Variants in FOLR1 observed in about 807,000 individuals in gnomAD.
The protein encoded by FOLR1 is KB cells FBP.
In FOLR1, 11 loss-of-function variants were observed where a neutral mutation model predicts 22.8. The ratio of observed to expected loss-of-function variants is 0.48; its 90% CI spans 0.30 to 0.80. FOLR1 has a LOEUF of 0.80. FOLR1 is among the 30% of genes least tolerant of loss of function. The pLI is 0.06. For missense variants in FOLR1, 273 were observed against 320.3 expected (o/e 0.85, Z 1.13); for synonymous variants, 108 against 116.5 (o/e 0.93, Z 0.47).
chr11:72,193,502 A>G (rs1356087953), intron 1 of FOLR1, among the ~76,000 whole-genome samples: 3 of 151,612 alleles, frequency 2.0e-5, no homozygotes, highest in Non-Finnish European at 4.4e-5. Context: ...GGTGGAGTGC[A>G]GTGGCACAAT....
chr11:72,190,042 T>A (rs1490384996), upstream of FOLR1, among the ~76,000 whole-genome samples: 1 of 152,058 alleles, frequency 6.6e-6, no homozygotes, highest in African/African-American at 2.4e-5. Flanking sequence ...GGGTCATGAT[T>A]GTTGGTGGGG....
At chr11:72,193,210 G>A (rs1948179288) in intron 1 of FOLR1, among the ~76,000 whole-genome samples, 1 of 152,048 alleles carries the variant, frequency 6.6e-6, no homozygotes, top group African/African-American at 2.4e-5. Context: ...GGTGGCACAT[G>A]CCTGCAGTCC....
chr11:72,191,201 A>T (rs3763796), upstream of FOLR1, among the ~76,000 whole-genome samples: 1 of 152,014 alleles, frequency 6.6e-6, no homozygotes, highest in African/African-American at 2.4e-5. Context: ...GCCAGCACCC[A>T]TGTCCTGTGA....
At chr11:72,193,072 C>T (rs974453039) in intron 1 of FOLR1, among the ~76,000 whole-genome samples, 3 of 152,098 alleles carry the variant, frequency 2.0e-5, no homozygotes, top group African/African-American at 4.8e-5. Context: ...TTACGGCTCA[C>T]GCCTGTAATC....
Position 72,195,930 on chromosome 11 carries a change from A to T in FOLR1, c.527A>T (p.Gln176Leu). The T allele has an allele frequency of 6.2e-7, 1 of 1,614,210 alleles. No homozygotes were observed. Among genetic ancestry groups the T allele is most frequent in the Non-Finnish European group, 8.5e-7 (1 of 1,180,038 alleles). ...FNKCAVGAAC[Q>L]PFHFYFPTPT... ...AAGTGCGCAGTGGGAGCTGCCTGCC[A>T]ACCTTTCCATTTCTACTTCCCCACA... The change falls in exon 4 of 4, where the codon CAA becomes CTA. Residue 176 changes from glutamine (Q) to leucine (L), a missense_variant. Physicochemically the swap from Gln to Leu is moderately radical, Grantham distance 113. Transcript: ENST00000393676.
rs1948228131 is a variant in FOLR1 at position 72,196,018 on chromosome 11, G to T, written c.615G>T (p.Gly205=). 1 of 1,614,074 alleles carries T rather than the reference G, an allele frequency of 6.2e-7. No homozygotes were observed. The highest frequency in any genetic ancestry group is 8.5e-7 in the Non-Finnish European group (1 of 1,180,044). ...ACAAGGTCAGCAACTACAGCCGAGG[G>T]AGTGGCCGCTGCATCCAGATGTGGT... The part of the protein sequence containing the change: ...HSYKVSNYSR[G]SGRCIQMWFD... Residue 205 remains glycine (G), a synonymous_variant, in exon 4 of 4, where the codon GGG becomes GGT. Transcript: ENST00000393676.
chr11:72,195,566 T>G, intron 2 of FOLR1, 46 bp from the exon 3 acceptor site: 1 of 1,613,972 alleles, frequency 6.2e-7, no homozygotes, highest in African/African-American at 1.3e-5. Flanking sequence ...GCTGAGTTGC[T>G]GGGATTCTTG....
Position 72,195,697 on chromosome 11 carries a change from C to G in FOLR1, c.443C>G (p.Thr148Ser), listed in dbSNP as rs775626780. The change falls in exon 3 of 4, where the codon ACC (threonine) becomes AGC (serine). Residue 148 changes from threonine (T) to serine (S), a missense_variant. Physicochemically the swap from Thr to Ser is moderately conservative, Grantham distance 58 (BLOSUM62 1). Coordinates refer to ENST00000393676, the MANE Select transcript of FOLR1 (RefSeq NM_016729.3). ...GAGCAATGGTGGGAAGATTGTCGCA[C>G]CTCCTACACCTGCAAGAGCAACTGG... ...DCEQWWEDCR[T>S]SYTCKSNWHK... 9.3e-6 allele frequency: 15 copies of G among 1,614,176 alleles called. No individual in the cohort carries two copies. The highest frequency in any genetic ancestry group is 1.2e-5 in the Non-Finnish European group (14 of 1,180,032).
chr11:72,193,386 G>C (rs1948182521), intron 1 of FOLR1, among the ~76,000 whole-genome samples: 1 of 150,526 alleles, frequency 6.6e-6, no homozygotes, highest in Non-Finnish European at 1.5e-5. Flanking sequence ...GAAGGAAAGG[G>C]AGGGAGGAAA....
upstream of FOLR1, among the ~76,000 whole-genome samples, chr11:72,190,822 G>A (rs565499876): frequency 2.3e-4 from 35 of 152,338 alleles, no homozygotes; most frequent in South Asian, 7.2e-3. Flanking sequence ...TGTGCAGTCG[G>A]CCTGGAGACA....
chr11:72,192,493 C>A, intron 1 of FOLR1, 152 bp downstream of exon 1: 1 of 760,450 alleles, frequency 1.3e-6, no homozygotes, highest in Non-Finnish European at 2.2e-6. Context: ...GACACTGTGC[C>A]AAATGTCGGT....
chr11:72,190,904 G>A (rs1391406418), upstream of FOLR1, among the ~76,000 whole-genome samples: 8 of 152,236 alleles, frequency 5.3e-5, no homozygotes, highest in African/African-American at 1.9e-4. Context: ...CAGCACGGGG[G>A]CAAGGCAAGC....
chr11:72,190,534 C>T (rs9282688), upstream of FOLR1: 3,947 of 152,190 alleles, frequency 0.026, 68 homozygotes, highest in African/African-American at 0.051. Context: ...ACAGGTTGAA[C>T]GGGAACCCTG....
At chr11:72,191,341 C>T (rs1948153054), upstream of FOLR1, among the ~76,000 whole-genome samples, 1 of 152,094 alleles carries the variant, frequency 6.6e-6, no homozygotes, top group Non-Finnish European at 1.5e-5. Flanking sequence ...ACTGCAGCCC[C>T]CCCAACTAAA....
rs964480401 is a variant in FOLR1 at position 72,195,634 on chromosome 11, A to G, written c.380A>G (p.Glu127Gly). 1.2e-6 allele frequency: 2 copies of G among 1,614,214 alleles called. No individual in the cohort carries two copies. Among genetic ancestry groups the G allele is most frequent in the South Asian group, 1.1e-5 (1 of 91,090 alleles). Residue 127 changes from glutamate (E) to glycine (G), a missense_variant, in exon 3 of 4, where the codon GAG becomes GGG. Physicochemically the swap from Glu to Gly is moderately conservative, Grantham distance 98. Coordinates refer to ENST00000393676, the MANE Select transcript of FOLR1 (RefSeq NM_016729.3). ...CAGGTGGATCAGAGCTGGCGCAAAG[A>G]GCGGGTACTGAACGTGCCCCTGTGC... Reference protein sequence around the residue: ...IQQVDQSWRKERVLNVPLCKE... With the variant: ...IQQVDQSWRKGRVLNVPLCKE...
chr11:72,193,604 T>TTTTG (rs71052856), intron 1 of FOLR1, among the ~76,000 whole-genome samples: 14,668 of 147,758 alleles, frequency 0.099, 814 homozygotes, highest in South Asian at 0.19. Flanking sequence ...CCAGCTAATT[T>TTTTG]TTTGTTTGTT....
At chr11:72,193,771 TTTTA>T (rs57593168) in intron 1 of FOLR1, among the ~76,000 whole-genome samples, 28,192 of 147,858 alleles carry the variant, frequency 0.19, 3,015 homozygotes, top group East Asian at 0.32. Context: ...TAAGTGCACA[TTTTA>T]TTTATTTATT....
At chr11:72,195,182 G>T in intron 1 of FOLR1, 89 bp from the exon 2 acceptor site, 2 of 1,279,254 alleles carry the variant, frequency 1.6e-6, no homozygotes, top group Non-Finnish European at 2.3e-6. Flanking sequence ...GGGAATCAAG[G>T]ACTAAGAGGG....
chr11:72,192,005 A>G, upstream of FOLR1: 1 of 701,900 alleles, frequency 1.4e-6, no homozygotes, highest in Non-Finnish European at 2.5e-6. Context: ...GGTGGTGTCT[A>G]ATCCTACCTT....
Sources: allele counts gnomAD v4.1 joint callset (sites outside exome capture counted in the v4.1 genomes callset), GRCh38; gene constraint gnomAD v4.1.1; transcripts MANE v1.5; gene names NCBI Gene and HGNC (gene_info 2026-07-23, HGNC 2026-07-21).